SACS: variants seen among roughly 807,000 people sequenced by gnomAD.
The protein encoded by SACS is sacsin molecular chaperone, also known as sacsin.
A neutral mutation model predicts 348.0 loss-of-function variants in SACS; 197 were observed. The ratio of observed to expected loss-of-function variants is 0.57; its 90% CI spans 0.50 to 0.64. SACS has a LOEUF of 0.64. Ranked by LOEUF, SACS falls within the 30% of genes least tolerant of loss-of-function variation. SACS has a pLI of 0.00. For synonymous variants in SACS, 1,985 were observed against 1,910.6 expected (o/e 1.04, Z -1.02); for missense variants, 4,999 against 5,360.8 (o/e 0.93, Z 2.11).
At chr13:23,360,557 C>T (rs1013464203) in intron 6 of SACS, among the ~76,000 whole-genome samples, 3 of 152,038 alleles carry the variant, frequency 2.0e-5, no homozygotes, top group Non-Finnish European at 4.4e-5. Context: ...GAACACAGTC[C>T]GCCTTGCCTG....
chr13:23,403,450 G>C (rs937515421), intron 2 of SACS, among the ~76,000 whole-genome samples: 1 of 152,114 alleles, frequency 6.6e-6, no homozygotes, highest in African/African-American at 2.4e-5. Flanking sequence ...TCTATTCAGG[G>C]ATTCAAATTA....
intron 2 of SACS, among the ~76,000 whole-genome samples, chr13:23,407,715 A>T (rs772433271): frequency 6.6e-6 from 1 of 152,118 alleles, no homozygotes; most frequent in Non-Finnish European, 1.5e-5. Context: ...CAAACATTAG[A>T]CAGGCTCCCC....
intron 2 of SACS, among the ~76,000 whole-genome samples, chr13:23,405,074 G>A (rs1325201309): frequency 6.6e-6 from 1 of 152,032 alleles, no homozygotes; most frequent in African/African-American, 2.4e-5. Flanking sequence ...AATTTCATAT[G>A]GAACCAAAAA....
At chr13:23,383,033 A>T (rs984354131) in intron 2 of SACS, among the ~76,000 whole-genome samples, 7 of 148,756 alleles carry the variant, frequency 4.7e-5, no homozygotes, top group Non-Finnish European at 7.4e-5. Context: ...ACATATTTTT[A>T]AATTCATTGG....
At chr13:23,421,578 A>AT (rs952781906) in intron 1 of SACS, among the ~76,000 whole-genome samples, 7 of 151,882 alleles carry the variant, frequency 4.6e-5, no homozygotes, top group Non-Finnish European at 1.0e-4. Flanking sequence ...CCTCTGTGGG[A>AT]TGGCTGTCCA....
At chr13:23,432,206 C>T (rs190706321) in intron 1 of SACS, among the ~76,000 whole-genome samples, 39 of 152,278 alleles carry the variant, frequency 2.6e-4, no homozygotes, top group African/African-American at 8.9e-4. Context: ...GTAAGCAAAC[C>T]TTGGTCTTCA....
At chr13:23,357,586 T>C (rs1002730126) in intron 7 of SACS, among the ~76,000 whole-genome samples, 4 of 152,206 alleles carry the variant, frequency 2.6e-5, no homozygotes, top group African/African-American at 9.6e-5. Context: ...GTGATAGCCC[T>C]GCCTGTGCAA....
rs930656178 is a variant in SACS, at chr13:23,375,574, A to ACTCCCGGCCCT, written c.21-316_21-306dup. On this transcript the variant is annotated intron_variant, in intron 2 of 9. Transcript: ENST00000382292. ...GGCGGGGACTGCGCGCTCCCGGCCC[A>ACTCCCGGCCCT]CTCCCGGCCCTGCAGGCGCCGCCCG... The ACTCCCGGCCCT allele has an allele frequency of 9.8e-6, 10 of 1,020,274 alleles. No individual in the cohort carries two copies. The African/African-American group carries it at 1.0e-4, about 11-fold the overall frequency. The allele number at this position is 1,020,274 out of a possible 1,614,324, so 63.2% of individuals were successfully genotyped here. A position where few individuals can be genotyped will look rare whatever the true frequency, so the allele number is the denominator to read the frequency against.
Position 23,340,621 on chromosome 13 carries a change from G to A in SACS, c.3255C>T (p.His1085=), listed in dbSNP as rs1593132908. Residue 1085 remains histidine (H), a synonymous_variant, in exon 10 of 10, where the codon CAC becomes CAT. Coordinates refer to ENST00000382292, the MANE Select transcript of SACS (RefSeq NM_014363.6). The stretch of plus-strand genomic sequence containing the variant: ...TTTTTAAACCAATCTGTCTTAAGGA[G>A]TGAAGAATATCTGGTGAGGTAAAAA... The part of the protein sequence containing the change: ...PSVFTSPDIL[H]SLRQIGLKNE... 1 of 1,610,104 alleles carries A rather than the reference G, an allele frequency of 6.2e-7. No individual in the cohort carries two copies. Among genetic ancestry groups the A allele is most frequent in the Non-Finnish European group, 8.5e-7 (1 of 1,179,054 alleles).
chr13:23,338,859 C>A lies in SACS; in HGVS notation c.5017G>T (p.Val1673Leu), dbSNP rs1414350854. The A allele has an allele frequency of 2.5e-6, 4 of 1,612,992 alleles. No homozygotes were observed. The highest frequency in any genetic ancestry group is 2.5e-6 in the Non-Finnish European group (3 of 1,179,828). Reference protein sequence around the residue: ...CYNTADIYSLVDEFSLCGHRL... With the variant: ...CYNTADIYSLLDEFSLCGHRL... The stretch of plus-strand genomic sequence containing the variant: ...TGTCCACAGAGACTAAATTCATCCA[C>A]AAGAGAATAAATATCTGCTGTATTG... The change falls in exon 10 of 10, where the codon GTG becomes TTG. Residue 1673 changes from valine to leucine, a missense_variant. Physicochemically the swap from Val to Leu is conservative, Grantham distance 32 (BLOSUM62 1). This residue lies in a region of SACS where 3,156 missense variants were observed against 3,380.1 expected (regional missense o/e 0.93). Coordinates refer to ENST00000382292, the MANE Select transcript of SACS (RefSeq NM_014363.6).
chr13:23,383,868 A>G (rs1179911753), intron 2 of SACS, among the ~76,000 whole-genome samples: 1 of 152,150 alleles, frequency 6.6e-6, no homozygotes, highest in Non-Finnish European at 1.5e-5. Flanking sequence ...ACATGCCTCC[A>G]TATCCCTTGT....
rs970770114 is a variant in SACS at position 23,412,978 on chromosome 13, CT to C, written c.-501-1239del. 7.2e-5 allele frequency among the ~76,000 whole-genome samples: 11 copies of C among 151,744 alleles called. 1 individual carries two copies. Among genetic ancestry groups the C allele is most frequent in the South Asian group, 2.1e-4 (1 of 4,812 alleles). On this transcript the variant is annotated intron_variant, in intron 1 of 9. Coordinates refer to ENST00000382292, the MANE Select transcript of SACS (RefSeq NM_014363.6). ...GGAAGCCTCAGTGAAAAATGAGAAA[CT>C]TTTTTTTTGTTTTTTGAGAAGGAGT...
chr13:23,348,200 T>G (rs367710794), intron 9 of SACS, among the ~76,000 whole-genome samples: 2 of 152,178 alleles, frequency 1.3e-5, no homozygotes, highest in African/African-American at 4.8e-5. Context: ...ACAAAAATCA[T>G]AGCTTCAACT....
chr13:23,394,503 A>C (rs1872639864), intron 2 of SACS, among the ~76,000 whole-genome samples: 1 of 152,192 alleles, frequency 6.6e-6, no homozygotes. Flanking sequence ...CATTTAAACA[A>C]ATGTCAGAAT....
At chr13:23,432,272 G>A (rs4769272) in intron 1 of SACS, among the ~76,000 whole-genome samples, 107,578 of 152,130 alleles carry the variant, frequency 0.71, 38,477 homozygotes, top group East Asian at 0.94. Context: ...ACACTTAATC[G>A]TGGAAAAGTT....
intron 1 of SACS, chr13:23,427,837 G>C (rs943142092): frequency 3.9e-5 from 6 of 152,280 alleles, no homozygotes; most frequent in Non-Finnish European, 7.3e-5. Context: ...CCGAGGACGA[G>C]GACGGGACAA....
intron 9 of SACS, among the ~76,000 whole-genome samples, chr13:23,343,516 C>A (rs1216657132): frequency 3.3e-5 from 5 of 152,112 alleles, no homozygotes; most frequent in African/African-American, 1.2e-4. Context: ...GAAACCCCAT[C>A]TCTACTAAAA....
At chr13:23,420,935 G>C (rs1419152719) in intron 1 of SACS, among the ~76,000 whole-genome samples, 1 of 151,944 alleles carries the variant, frequency 6.6e-6, no homozygotes, top group Non-Finnish European at 1.5e-5. Context: ...TGCCCACTTG[G>C]GGCCTGACAT....
At chr13:23,405,005 A>G (rs1222716022) in intron 2 of SACS, among the ~76,000 whole-genome samples, 3 of 152,198 alleles carry the variant, frequency 2.0e-5, no homozygotes, top group Admixed American at 6.5e-5. Context: ...TATAGATTCA[A>G]TGCTGTCTCC....
Sources: allele counts gnomAD v4.1 joint callset (sites outside exome capture counted in the v4.1 genomes callset), GRCh38; gene constraint gnomAD v4.1.1; regional missense constraint gnomAD v4.1.1; transcripts MANE v1.5; gene names NCBI Gene and HGNC (gene_info 2026-07-23, HGNC 2026-07-21).